Variants in RNGTT observed in about 807,000 individuals in gnomAD.
The protein encoded by RNGTT is RNA guanylyltransferase and 5'-phosphatase, also known as mRNA-capping enzyme.
A neutral mutation model predicts 79.3 loss-of-function variants in RNGTT; 33 were observed. The ratio of observed to expected loss-of-function variants is 0.42; its 90% CI spans 0.32 to 0.56. RNGTT has a LOEUF of 0.56. Ranked by LOEUF, RNGTT falls within the 20% of genes least tolerant of loss-of-function variation. The pLI is 0.17. For synonymous variants in RNGTT, 222 were observed against 235.9 expected (o/e 0.94, Z 0.54); for missense variants, 497 against 739.1 (o/e 0.67, Z 3.80).
At chr6:88,890,743 C>A (rs1388761960) in intron 7 of RNGTT, 147 bp from the exon 8 acceptor site, 7 of 503,482 alleles carry the variant, frequency 1.4e-5, no homozygotes, top group Non-Finnish European at 2.5e-5. Context: ...TCCGCTTTCA[C>A]AAAAATACTA....
At chr6:88,876,985 A>G (rs1202671776) in intron 8 of RNGTT, among the ~76,000 whole-genome samples, 2 of 152,254 alleles carry the variant, frequency 1.3e-5, no homozygotes, top group African/African-American at 4.8e-5. Flanking sequence ...TCTCATACTT[A>G]GGATTTGATT....
intron 8 of RNGTT, among the ~76,000 whole-genome samples, chr6:88,884,545 G>A (rs775999196): frequency 1.3e-5 from 2 of 152,050 alleles, no homozygotes; most frequent in African/African-American, 4.8e-5. Flanking sequence ...AGAATGAAAA[G>A]ATAAGAGAAA....
chr6:88,700,606 A>G (rs1052938443), intron 13 of RNGTT, among the ~76,000 whole-genome samples: 1 of 152,186 alleles, frequency 6.6e-6, no homozygotes, highest in Non-Finnish European at 1.5e-5. Context: ...CAAAATGAAC[A>G]TATTTATAGA....
At chr6:88,817,450 T>G (rs1446082240) in intron 11 of RNGTT, among the ~76,000 whole-genome samples, 1 of 129,568 alleles carries the variant, frequency 7.7e-6, no homozygotes, top group Admixed American at 9.4e-5. Context: ...AAGACCAGCC[T>G]GGGCAACAAA....
chr6:88,702,606 C>A (rs768577382), intron 13 of RNGTT, among the ~76,000 whole-genome samples: 3 of 152,054 alleles, frequency 2.0e-5, no homozygotes, highest in Non-Finnish European at 4.4e-5. Context: ...CTATAAGAAT[C>A]CTAGAAGAAA....
intron 6 of RNGTT, among the ~76,000 whole-genome samples, chr6:88,900,699 A>G (rs1245216121): frequency 6.6e-6 from 1 of 151,840 alleles, no homozygotes; most frequent in African/African-American, 2.4e-5. Flanking sequence ...GCACCACTGC[A>G]CTCCAGCTTG....
chr6:88,915,309 C>T (rs1306535440), intron 4 of RNGTT, among the ~76,000 whole-genome samples: 1 of 152,060 alleles, frequency 6.6e-6, no homozygotes, highest in Non-Finnish European at 1.5e-5. Context: ...AAAAAGATAC[C>T]CGCACTTGTA....
chr6:88,623,099 G>A (rs1772498847), intron 14 of RNGTT, among the ~76,000 whole-genome samples: 1 of 152,024 alleles, frequency 6.6e-6, no homozygotes, highest in Non-Finnish European at 1.5e-5. Context: ...AGAAAGGAGG[G>A]AGGGAAGGCA....
At position 88,838,496 on chromosome 6, in the gene RNGTT, C is replaced by T. The variant is rs118039318; in HGVS notation, c.1269+5861G>A. Among the ~76,000 whole-genome samples, 894 of 151,912 alleles carry T rather than the reference C, an allele frequency of 5.9e-3. 6 individuals carry two copies. Among genetic ancestry groups the T allele is most frequent in the Middle Eastern group, 0.014 (4 of 294 alleles). ...TCTATATACTACCAATAGTCAGAAA[C>T]GGAAATTTTACAAAGACTTTTATGA... On this transcript the variant is annotated intron_variant, in intron 11 of 15. Transcript: ENST00000369485.
intron 13 of RNGTT, among the ~76,000 whole-genome samples, chr6:88,726,930 G>A (rs377583630): frequency 6.6e-6 from 1 of 151,712 alleles, no homozygotes; most frequent in East Asian, 1.9e-4. Flanking sequence ...GGCCTTAGAC[G>A]GTCTAGTCCA....
intron 14 of RNGTT, among the ~76,000 whole-genome samples, chr6:88,623,839 C>T (rs1201836024): frequency 6.6e-6 from 1 of 152,008 alleles, no homozygotes; most frequent in African/African-American, 2.4e-5. Flanking sequence ...CAAAGAGGCT[C>T]CTAGAACCAA....
intron 9 of RNGTT, among the ~76,000 whole-genome samples, chr6:88,852,032 C>A (rs954754204): frequency 6.7e-6 from 1 of 149,428 alleles, no homozygotes; most frequent in Non-Finnish European, 1.5e-5. Context: ...CTATAGAAAT[C>A]TTTCTGTTTC....
At chr6:88,812,355 A>G (rs1404472146) in intron 11 of RNGTT, among the ~76,000 whole-genome samples, 1 of 152,184 alleles carries the variant, frequency 6.6e-6, no homozygotes, top group Admixed American at 6.5e-5. Flanking sequence ...CGTTAGTCTT[A>G]TTTTTACCAA....
chr6:88,641,931 G>GT (rs2127773538), intron 14 of RNGTT, among the ~76,000 whole-genome samples: 1 of 152,204 alleles, frequency 6.6e-6, no homozygotes, highest in East Asian at 1.9e-4. Context: ...GAAATAAAAA[G>GT]TAAGTCTGTA....
chr6:88,668,359 C>T (rs1774499554), intron 14 of RNGTT, among the ~76,000 whole-genome samples: 2 of 152,234 alleles, frequency 1.3e-5, no homozygotes, highest in South Asian at 4.2e-4. Context: ...AGACAACAAG[C>T]CCTGCTCCAG....
At chr6:88,832,968 C>G (rs1404354655) in intron 11 of RNGTT, among the ~76,000 whole-genome samples, 1 of 152,196 alleles carries the variant, frequency 6.6e-6, no homozygotes, top group African/African-American at 2.4e-5. Context: ...CGCTTTTACA[C>G]TGTTGGTGGG....
chr6:88,759,325 T>C (rs530709096), intron 13 of RNGTT, among the ~76,000 whole-genome samples: 1 of 152,286 alleles, frequency 6.6e-6, no homozygotes, highest in South Asian at 2.1e-4. Context: ...ATGCCTATCC[T>C]GCATCCTCCC....
intron 8 of RNGTT, among the ~76,000 whole-genome samples, chr6:88,883,081 T>C (rs1270311517): frequency 2.2e-5 from 3 of 138,960 alleles, no homozygotes; most frequent in East Asian, 4.2e-4. Flanking sequence ...TTTTCCTCCA[T>C]AGAAAAGCAA....
intron 10 of RNGTT, among the ~76,000 whole-genome samples, chr6:88,847,889 A>T (rs985779566): frequency 6.6e-6 from 1 of 151,998 alleles, no homozygotes; most frequent in Non-Finnish European, 1.5e-5. Context: ...TAAGAAGAAA[A>T]AAAAGAGACA....
Sources: gnomAD v4.1 joint callset for allele counts (sites outside exome capture counted in the v4.1 genomes callset) on GRCh38, gnomAD v4.1.1 for gene constraint, MANE v1.5 for transcripts, NCBI Gene and HGNC (gene_info 2026-07-23, HGNC 2026-07-21) for gene names.